The following SEMA4A variants were observed in gnomAD, a reference collection of about 807,000 sequenced individuals.
SEMA4A encodes semaphorin 4A, also known as semaphorin-4A.
Under a neutral mutation model 72.5 loss-of-function variants are expected in SEMA4A, and 52 were observed. The observed-to-expected ratio is 0.72, with a 90% confidence interval of 0.57 to 0.90. SEMA4A has a LOEUF of 0.90. SEMA4A is among the 40% of genes least tolerant of loss of function. SEMA4A has a pLI of 0.00. For missense variants in SEMA4A, 926 were observed against 959.7 expected, an observed-to-expected ratio of 0.96 and a Z score of 0.46; for synonymous variants, 369 against 393.1, an observed-to-expected ratio of 0.94 and a Z score of 0.73.
At position 156,160,361 on chromosome 1, in the gene SEMA4A, A is replaced by G. The variant is rs563967794; in HGVS notation, c.569-82A>G. ...GGCCCCCGAGACTGATATGGATGCCAGCCCCAGTCAGAGGCAGGTCTGTGG... is the reference window on the plus strand; with the variant it reads ...GGCCCCCGAGACTGATATGGATGCCGGCCCCAGTCAGAGGCAGGTCTGTGG... On this transcript the variant is annotated intron_variant, in intron 6 of 14. Transcript: ENST00000368285. 9.8e-5 allele frequency: 106 copies of G among 1,086,776 alleles called. 2 individuals carry two copies. In the African/African-American group the frequency reaches 1.6e-3, roughly 16 times the overall value. The allele number at this position is 1,086,776 out of a possible 1,614,324, so 67.3% of individuals were successfully genotyped here.
In SEMA4A at chr1:156,175,182, G is replaced by A. The variant is rs774707164; in HGVS notation, c.1531G>A (p.Asp511Asn). Residue 511 changes from aspartate to asparagine, a missense_variant, in exon 13 of 15, where the codon GAC becomes AAC. Physicochemically the swap from Asp to Asn is conservative, Grantham distance 23. Coordinates refer to ENST00000368285, the MANE Select transcript of SEMA4A (RefSeq NM_022367.4). ...CTGTGTGGACTGTGTCCTTGCCCGG[G>A]ACCCCCACTGTGCCTGGGACCCTGA... ...ESCVDCVLAR[D>N]PHCAWDPESR... The A allele has an allele frequency of 1.2e-6, 2 of 1,613,998 alleles. No homozygotes were observed. The highest frequency in any genetic ancestry group is 1.7e-6 in the Non-Finnish European group (2 of 1,180,022).
intron 4 of SEMA4A, 102 bp downstream of exon 4, chr1:156,158,234 G>C: frequency 7.5e-7 from 1 of 1,338,274 alleles, no homozygotes; most frequent in Non-Finnish European, 1.1e-6. Context: ...GAGGGCACTT[G>C]TTTGCACGGT....
Position 156,156,396 on chromosome 1 carries a change from G to A in SEMA4A, c.140-18G>A, listed in dbSNP as rs367926176. 7.4e-6 allele frequency: 12 copies of A among 1,613,456 alleles called. No individual in the cohort carries two copies. Among genetic ancestry groups the A allele is most frequent in the Admixed American group, 6.7e-5 (4 of 59,996 alleles). ...CCACCAAGTCCTCATCACTCTCTCT[G>A]TCTTACTCCTCCAACAGGGGATGAA... On this transcript the variant is annotated intron_variant, in intron 2 of 14. Transcript: ENST00000368285.
chr1:156,173,101 T>G, intron 11 of SEMA4A, 95 bp downstream of exon 11: 1 of 1,255,590 alleles, frequency 8.0e-7, no homozygotes, highest in Non-Finnish European at 1.1e-6. Flanking sequence ...CACTTATTCA[T>G]TCAACAACTG....
At chr1:156,159,504 C>T (rs918818240) in intron 6 of SEMA4A, among the ~76,000 whole-genome samples, 2 of 151,950 alleles carry the variant, frequency 1.3e-5, no homozygotes, top group East Asian at 1.9e-4. Context: ...CACGAGGGCC[C>T]GGGAAGGGTA....
chr1:156,160,263 G>A (rs1254771933), intron 6 of SEMA4A, among the ~76,000 whole-genome samples, 180 bp from the exon 7 acceptor site: 1 of 152,130 alleles, frequency 6.6e-6, no homozygotes, highest in African/African-American at 2.4e-5. Context: ...GAGAGAGGAA[G>A]CTAAGAGGGG....
Position 156,176,883 on chromosome 1 carries a change from T to G in SEMA4A, c.2172T>G (p.Pro724=). 1 of 1,614,232 alleles carries G rather than the reference T, an allele frequency of 6.2e-7. No homozygotes were observed. The highest frequency in any genetic ancestry group is 8.5e-7 in the Non-Finnish European group (1 of 1,180,026). ...GKVQGCETLR[P]GEKAPLSREQ... is the part of the protein sequence containing the mutation. The stretch of plus-strand genomic sequence containing the variant: ...TTCAGGGCTGTGAGACCCTGCGCCC[T>G]GGGGAGAAGGCCCCGTTAAGCAGAG... Residue 724 remains proline (P), a synonymous_variant, in exon 15 of 15, where the codon CCT becomes CCG. Transcript: ENST00000368285.
intron 10 of SEMA4A, among the ~76,000 whole-genome samples, chr1:156,165,236 C>T (rs73006739): frequency 0.016 from 2,497 of 152,246 alleles, 71 homozygotes; most frequent in African/African-American, 0.057. Flanking sequence ...AGACTAGTGC[C>T]GTCTACTCCC....
In SEMA4A at chr1:156,175,256, C is replaced by T; in HGVS notation, c.1592+13C>T. The T allele has an allele frequency of 6.2e-7, 1 of 1,604,236 alleles. No homozygotes were observed. The highest frequency in any genetic ancestry group is 2.2e-5 in the East Asian group (1 of 44,760). Reference sequence around the variant, plus strand: ...CTGCCCCCAACCTGTGAGTGCCAGTCCTGGATGGTGGCCTGGATGGCCAGC... The same window carrying T: ...CTGCCCCCAACCTGTGAGTGCCAGTTCTGGATGGTGGCCTGGATGGCCAGC... On this transcript the variant is annotated intron_variant, in intron 13 of 14. Coordinates refer to ENST00000368285, the MANE Select transcript of SEMA4A (RefSeq NM_022367.4).
chr1:156,173,097 T>C (rs1186407367), intron 11 of SEMA4A, 91 bp downstream of exon 11: 2 of 1,295,040 alleles, frequency 1.5e-6, no homozygotes, highest in African/African-American at 1.5e-5. Flanking sequence ...CATTCACTTA[T>C]TCATTCAACA....
At position 156,162,970 on chromosome 1, in the gene SEMA4A, C is replaced by T. The variant is rs780302871; in HGVS notation, c.1010C>T (p.Ala337Val). 21 of 1,613,930 alleles carry T rather than the reference C, an allele frequency of 1.3e-5. No homozygotes were observed. The highest frequency in any genetic ancestry group is 3.4e-4 in the Middle Eastern group (2 of 5,900). Reference protein sequence around the residue: ...QWQVGGTRSSAVCAFSLLDIE... With the variant: ...QWQVGGTRSSVVCAFSLLDIE... ...CAGGTTGGCGGGACCAGGAGCTCTG[C>T]GGTTTGTGCCTTCTCTCTCTTGGAC... is the stretch of plus-strand genomic sequence containing the variant. Residue 337 changes from alanine (A) to valine (V), a missense_variant, in exon 10 of 15, where the codon GCG (alanine) becomes GTG (valine). Ala to Val is a moderately conservative substitution (Grantham distance 64, BLOSUM62 0). Coordinates refer to ENST00000368285, the MANE Select transcript of SEMA4A (RefSeq NM_022367.4).
upstream of SEMA4A, among the ~76,000 whole-genome samples, chr1:156,151,678 CA>C (rs1376147350): frequency 4.0e-5 from 6 of 150,946 alleles, no homozygotes; most frequent in Middle Eastern, 3.4e-3. Context: ...ACTAAAAATA[CA>C]AAAAAAATTA....
At chr1:156,162,898 T>A in intron 9 of SEMA4A, 46 bp from the exon 10 acceptor site, 1 of 1,611,338 alleles carries the variant, frequency 6.2e-7, no homozygotes, top group Non-Finnish European at 8.5e-7. Context: ...AGAGAGCTGC[T>A]GGTGTGGCAG....
upstream of SEMA4A, chr1:156,150,020 G>C (rs1258304110): frequency 1.3e-5 from 2 of 152,114 alleles, no homozygotes; most frequent in African/African-American, 4.8e-5. Flanking sequence ...GTGTGGCAGG[G>C]GCTGAGGCAC....
upstream of SEMA4A, among the ~76,000 whole-genome samples, chr1:156,152,728 G>A (rs1306052577): frequency 1.3e-5 from 2 of 152,198 alleles, no homozygotes; most frequent in African/African-American, 2.4e-5. Context: ...GGCTGGTGCT[G>A]TAGCAGGAGG....
chr1:156,152,246 C>T (rs967827773), upstream of SEMA4A, among the ~76,000 whole-genome samples: 3 of 152,224 alleles, frequency 2.0e-5, no homozygotes, highest in South Asian at 2.1e-4. Context: ...GGGAAGAGGA[C>T]GTCCGGAGTT....
chr1:156,176,845 G>T lies in SEMA4A; in HGVS notation c.2134G>T (p.Ala712Ser). Residue 712 changes from alanine (A) to serine (S), a missense_variant, in exon 15 of 15, where the codon GCT becomes TCT. Ala to Ser is a moderately conservative substitution (Grantham distance 99). Coordinates refer to ENST00000368285, the MANE Select transcript of SEMA4A (RefSeq NM_022367.4). ...GGCCTCCCCATTGAGAGCACTCCGGGCTCGGGGCAAGGTTCAGGGCTGTGA... is the reference window on the plus strand; with the variant it reads ...GGCCTCCCCATTGAGAGCACTCCGGTCTCGGGGCAAGGTTCAGGGCTGTGA... Reference protein sequence around the residue: ...LVASPLRALRARGKVQGCETL... With the variant: ...LVASPLRALRSRGKVQGCETL... 4 of 1,614,232 alleles carry T rather than the reference G, an allele frequency of 2.5e-6. No individual in the cohort carries two copies. The highest frequency in any genetic ancestry group is 3.4e-6 in the Non-Finnish European group (4 of 1,180,024).
chr1:156,158,411 T>C lies in SEMA4A; in HGVS notation c.387T>C (p.Arg129=). 6.2e-7 allele frequency: 1 copy of C among 1,614,030 alleles called. No homozygotes were observed. The highest frequency in any genetic ancestry group is 8.5e-7 in the Non-Finnish European group (1 of 1,179,908). ...AGACACAGTGTTTCAACTTCATCCG[T>C]GTCCTGGTTTCTTACAATGTCACCC... The part of the protein sequence containing the change: ...SNETQCFNFI[R]VLVSYNVTHL... The change falls in exon 5 of 15, where the codon CGT becomes CGC. Residue 129 remains arginine (R), a synonymous_variant. Coordinates refer to ENST00000368285, the MANE Select transcript of SEMA4A (RefSeq NM_022367.4).
chr1:156,164,412 AG>A (rs1302475795), intron 10 of SEMA4A, among the ~76,000 whole-genome samples: 2 of 152,346 alleles, frequency 1.3e-5, no homozygotes, highest in East Asian at 3.9e-4. Context: ...GTGGTGTGCT[AG>A]AGCTGACTTG....
Sources: gnomAD v4.1 joint callset for allele counts (sites outside exome capture counted in the v4.1 genomes callset) on GRCh38, gnomAD v4.1.1 for gene constraint, MANE v1.5 for transcripts, NCBI Gene and HGNC (gene_info 2026-07-23, HGNC 2026-07-21) for gene names.